LGI2: variants seen among roughly 807,000 people sequenced by gnomAD.
LGI2 encodes leucine-rich repeat LGI family member 2.
Under a neutral mutation model 52.0 loss-of-function variants are expected in LGI2, and 30 were observed. The ratio of observed to expected loss-of-function variants is 0.58; its 90% CI spans 0.43 to 0.78. The LOEUF is 0.78. LGI2 is among the 30% of genes least tolerant of loss of function. The probability of loss-of-function intolerance (pLI) is 0.00; values close to 1 mark genes in which losing one functional copy is unlikely to be tolerated. For missense variants in LGI2, 573 were observed against 692.5 expected (o/e 0.83, Z 1.94); for synonymous variants, 270 against 271.8 (o/e 0.99, Z 0.06).
Position 25,004,858 on chromosome 4 carries a change from C to T in LGI2, c.821-590G>A, listed in dbSNP as rs1387381465. 3.3e-5 allele frequency among the ~76,000 whole-genome samples: 5 copies of T among 152,178 alleles called. No individual in the cohort carries two copies. Among genetic ancestry groups the T allele is most frequent in the African/African-American group, 1.2e-4 (5 of 41,448 alleles). On this transcript the variant is annotated intron_variant, in intron 7 of 7. Coordinates refer to ENST00000382114, the MANE Select transcript of LGI2 (RefSeq NM_018176.4). The surrounding 1 kb of genome is among the most constrained non-coding windows in gnomAD (Gnocchi z 4.6). ...CAGACTAAGACACCTATAACATCAT[C>T]CTTCACAATAGCCGAAAGGTGGAAG...
Position 25,000,191 on chromosome 4 carries a change from C to A in LGI2, c.*3260G>T, listed in dbSNP as rs1725195289. On this transcript the variant is annotated 3_prime_UTR_variant, in exon 8 of 8. Coordinates refer to ENST00000382114, the MANE Select transcript of LGI2 (RefSeq NM_018176.4). ...TATTTTATTGCACTTTTTACTTTAT[C>A]TCAAGGTGCTGCCAAATTCAAAATC... 5.7e-6 allele frequency: 1 copy of A among 174,718 alleles called. No individual in the cohort carries two copies. Among genetic ancestry groups the A allele is most frequent in the Non-Finnish European group, 1.2e-5 (1 of 82,438 alleles). The allele number at this position is 174,718 out of a possible 1,614,324, so 10.8% of individuals were successfully genotyped here.
downstream of LGI2, among the ~76,000 whole-genome samples, chr4:24,994,648 G>A (rs12648942): frequency 0.24 from 36,208 of 152,094 alleles, 4,678 homozygotes; most frequent in East Asian, 0.38. Context: ...TGTGTGTTTC[G>A]GGGGTCGGTG....
In LGI2 at chr4:25,026,909, G is replaced by A; in HGVS notation, c.300C>T (p.Ile100=). ...LLLNSNSFTI[I]RDDAFAGLFH... Reference sequence around the variant, plus strand: ...AAAGTCCAGCAAAAGCATCATCCCGGATGATCGTGAATGAGTTAGAATTCA... The same window carrying A: ...AAAGTCCAGCAAAAGCATCATCCCGAATGATCGTGAATGAGTTAGAATTCA... Residue 100 remains isoleucine, a synonymous_variant, in exon 3 of 8, where the codon ATC becomes ATT. Coordinates refer to ENST00000382114, the MANE Select transcript of LGI2 (RefSeq NM_018176.4). The A allele has an allele frequency of 6.2e-7, 1 of 1,613,824 alleles. No homozygotes were observed. Among genetic ancestry groups the A allele is most frequent in the Non-Finnish European group, 8.5e-7 (1 of 1,179,718 alleles).
downstream of LGI2, among the ~76,000 whole-genome samples, chr4:24,994,719 C>T (rs1463970826): frequency 6.6e-6 from 1 of 152,130 alleles, no homozygotes. Context: ...CCTTATCAGT[C>T]ATAAAGGGTG....
chr4:25,002,131 G>A lies in LGI2; in HGVS notation c.*1320C>T, dbSNP rs1291576033. On this transcript the variant is annotated 3_prime_UTR_variant, in exon 8 of 8. Transcript: ENST00000382114. ...ATCTGGTCTCTTGAGCACAGACCTG[G>A]AGTGTGGGATTCAGCTTGGCTGGCT... is the stretch of plus-strand genomic sequence containing the variant. 5 of 152,236 alleles carry A rather than the reference G, an allele frequency of 3.3e-5. No individual in the cohort carries two copies. The highest frequency in any genetic ancestry group is 2.6e-4 in the Admixed American group (4 of 15,284). 9.4% of individuals were successfully genotyped at this position (152,236 alleles called of 1,614,324 possible).
At chr4:25,030,459 G>C (rs559854870) in intron 1 of LGI2, 38 bp downstream of exon 1, 56 of 1,554,646 alleles carry the variant, frequency 3.6e-5, no homozygotes, top group African/African-American at 8.1e-5. Context: ...ACGCAGGGTG[G>C]GGCGGGACGG....
chr4:25,022,364 G>A (rs770048233), intron 4 of LGI2, among the ~76,000 whole-genome samples: 1 of 152,230 alleles, frequency 6.6e-6, no homozygotes, highest in Non-Finnish European at 1.5e-5. Flanking sequence ...GAAAAGCAGT[G>A]GGATGGGGTG....
chr4:25,022,348 T>C (rs1725997271), intron 4 of LGI2, among the ~76,000 whole-genome samples: 1 of 151,912 alleles, frequency 6.6e-6, no homozygotes, highest in Non-Finnish European at 1.5e-5. Flanking sequence ...AGGGAAAGGA[T>C]GTGAGGAAAA....
At position 25,004,713 on chromosome 4, in the gene LGI2, G is replaced by T. The variant is rs2110455; in HGVS notation, c.821-445C>A. ...GTGGCCAGCTATGCAGTGGGTTCTTGCCACATACCAAATCTGCCAATGTCT... is the reference window on the plus strand; with the variant it reads ...GTGGCCAGCTATGCAGTGGGTTCTTTCCACATACCAAATCTGCCAATGTCT... On this transcript the variant is annotated intron_variant, in intron 7 of 7. Coordinates refer to ENST00000382114, the MANE Select transcript of LGI2 (RefSeq NM_018176.4). This position sits in a 1 kb window ranked among gnomAD's most constrained non-coding sequence, Gnocchi z 4.6. Among the ~76,000 whole-genome samples, 41,425 of 151,754 alleles carry T rather than the reference G, an allele frequency of 0.27. 5,654 individuals are homozygous for T. Among genetic ancestry groups the T allele is most frequent in the East Asian group, 0.38 (1,969 of 5,126 alleles).
At chr4:24,992,690 A>T in the LGI2 span, among the ~76,000 whole-genome samples, 1 of 152,222 alleles carries the variant, frequency 6.6e-6, no homozygotes, top group Non-Finnish European at 1.5e-5. Context: ...TCTCAAAAAG[A>T]AAAGAAAAAG....
intron 3 of LGI2, among the ~76,000 whole-genome samples, chr4:25,025,680 A>G (rs1726123463): frequency 6.6e-6 from 1 of 152,210 alleles, no homozygotes; most frequent in Admixed American, 6.5e-5. Context: ...TAAGTCAAAT[A>G]TAAGAGGGTC....
At chr4:25,021,583 A>G (rs1725960175) in intron 4 of LGI2, among the ~76,000 whole-genome samples, 1 of 152,162 alleles carries the variant, frequency 6.6e-6, no homozygotes, top group Non-Finnish European at 1.5e-5. Context: ...TTCTTTACAC[A>G]GTATATTAAA....
intron 4 of LGI2, among the ~76,000 whole-genome samples, chr4:25,021,289 C>T (rs1725948680): frequency 6.6e-6 from 1 of 152,178 alleles, no homozygotes; most frequent in Non-Finnish European, 1.5e-5. Context: ...TTAACAGTTC[C>T]CTGTCCCTTG....
Position 25,019,258 on chromosome 4 carries a change from T to C in LGI2, c.414-20A>G. 1.9e-6 allele frequency: 3 copies of C among 1,542,854 alleles called. No individual in the cohort carries two copies. The highest frequency in any genetic ancestry group is 2.7e-6 in the Non-Finnish European group (3 of 1,118,846). On this transcript the variant is annotated intron_variant, in intron 4 of 7. Coordinates refer to ENST00000382114, the MANE Select transcript of LGI2 (RefSeq NM_018176.4). ...AAAGAACTAGAACAAGAAAGTCACA[T>C]TGCAATGTGATTATTATCTCATGCC...
At chr4:24,998,165 C>G, downstream of LGI2, among the ~76,000 whole-genome samples, 1 of 152,268 alleles carries the variant, frequency 6.6e-6, no homozygotes. Flanking sequence ...TTTGAGCCAC[C>G]GTGCTTGGAC....
At chr4:24,996,084 G>C (rs989250311), downstream of LGI2, among the ~76,000 whole-genome samples, 3 of 152,176 alleles carry the variant, frequency 2.0e-5, no homozygotes, top group East Asian at 1.9e-4. Flanking sequence ...GTTATGAACA[G>C]GCTTTCCTCT....
chr4:25,022,818 C>A (rs6858647), intron 4 of LGI2, among the ~76,000 whole-genome samples: 168 of 152,320 alleles, frequency 1.1e-3, no homozygotes, highest in African/African-American at 4.0e-3. Context: ...AAGTTGCCAT[C>A]TGGGCTAACT....
chr4:24,998,431 G>T (rs4697519), downstream of LGI2, among the ~76,000 whole-genome samples: 45 of 152,050 alleles, frequency 3.0e-4, no homozygotes, highest in African/African-American at 1.1e-3. Flanking sequence ...AACACTGCAT[G>T]CCTACTGTGG....
At chr4:25,025,712 T>C (rs1385705750) in intron 3 of LGI2, among the ~76,000 whole-genome samples, 1 of 152,210 alleles carries the variant, frequency 6.6e-6, no homozygotes, top group Non-Finnish European at 1.5e-5. Flanking sequence ...GCTCCATGGT[T>C]GGGGCTTTGA....
Sources: gnomAD v4.1 joint callset for allele counts (sites outside exome capture counted in the v4.1 genomes callset) on GRCh38, gnomAD v4.1.1 for gene constraint, Gnocchi (gnomAD v3.1) non-coding constraint, MANE v1.5 for transcripts, NCBI Gene and HGNC (gene_info 2026-07-23, HGNC 2026-07-21) for gene names.